The following ADAM22 variants were observed in gnomAD, a reference collection of about 807,000 sequenced individuals.
ADAM22 encodes ADAM metallopeptidase domain 22, also known as disintegrin and metalloproteinase domain-containing protein 22.
A neutral mutation model predicts 144.6 loss-of-function variants in ADAM22; 65 were observed. That is an observed-to-expected ratio of 0.45 (90% CI 0.37 to 0.55). The LOEUF (loss-of-function observed/expected upper bound fraction) is 0.55, where lower values mean the gene tolerates loss of function less well. Ranked by LOEUF, ADAM22 falls within the 20% of genes least tolerant of loss-of-function variation. The pLI is 0.00. For missense variants in ADAM22, 974 were observed against 1,184.9 expected (o/e 0.82, Z 2.61); for synonymous variants, 391 against 412.6 (o/e 0.95, Z 0.63).
Position 88,168,198 on chromosome 7 carries a change from CATATT to C in ADAM22, c.2255_2259del (p.Ile752ArgfsTer8), listed in dbSNP as rs760686398. 58 of 1,613,226 alleles carry C rather than the reference CATATT, an allele frequency of 3.6e-5. No homozygotes were observed. Among genetic ancestry groups the C allele is most frequent in the Non-Finnish European group, 4.7e-5 (56 of 1,179,518 alleles). On this transcript the variant is annotated frameshift_variant, in exon 25 of 32. Coordinates refer to ENST00000413139, the MANE Select transcript of ADAM22 (RefSeq NM_001324418.2). LOFTEE classifies it high-confidence loss of function. ...CTGGCACCATTTTAGTGCTGGCCCT[CATATT>C]AGGAATAACTGCGTGGGGTTATAAG...
intron 2 of ADAM22, among the ~76,000 whole-genome samples, chr7:87,974,697 C>T (rs77600908): frequency 2.9e-3 from 441 of 152,300 alleles, no homozygotes; most frequent in African/African-American, 0.01. Context: ...GCAGAAACTT[C>T]GTTGCCTGAA....
chr7:88,144,258 T>C (rs543852541), intron 15 of ADAM22, among the ~76,000 whole-genome samples: 6 of 152,324 alleles, frequency 3.9e-5, no homozygotes, highest in African/African-American at 1.4e-4. Context: ...CATTCTATAA[T>C]ACGTAAACTT....
intron 31 of ADAM22, among the ~76,000 whole-genome samples, chr7:88,195,901 A>C (rs752349819): frequency 6.6e-6 from 1 of 152,144 alleles, no homozygotes; most frequent in Non-Finnish European, 1.5e-5. Flanking sequence ...AATTGATGGA[A>C]TCACACTTCC....
intron 3 of ADAM22, among the ~76,000 whole-genome samples, chr7:88,011,456 C>T (rs992550016): frequency 1.3e-5 from 2 of 151,082 alleles, no homozygotes; most frequent in Non-Finnish European, 2.9e-5. Flanking sequence ...AGGAGAATGG[C>T]GTGAACCCGG....
intron 9 of ADAM22, 52 bp from the exon 10 acceptor site, chr7:88,130,336 A>T: frequency 7.1e-7 from 1 of 1,416,204 alleles, no homozygotes; most frequent in South Asian, 1.2e-5. Context: ...TGATGAGATG[A>T]TTGTTTTCTG....
At position 88,148,275 on chromosome 7, in the gene ADAM22, G is replaced by A. The variant is rs368732734; in HGVS notation, c.1486-702G>A. Among the ~76,000 whole-genome samples the A allele has an allele frequency of 6.6e-5, 10 of 152,210 alleles. No homozygotes were observed. In the South Asian group the frequency reaches 8.3e-4, roughly 13 times the overall value. ...AGAGAAAAAGAGAAGGATTGAGAAG[G>A]GAAGGGGAAGTACTTTAACTATATA... On this transcript the variant is annotated intron_variant, in intron 17 of 31. Transcript: ENST00000413139.
rs1382722365 is a variant in ADAM22 at position 88,030,338 on chromosome 7, G to A, written c.324-45288G>A. ...CTGCTTGATTTTTAAAATTATTTCA[G>A]TGTCTTTGTTAAATGTATCTGATAG... On this transcript the variant is annotated intron_variant, in intron 3 of 31. Transcript: ENST00000413139. 3.3e-5 allele frequency among the ~76,000 whole-genome samples: 5 copies of A among 151,894 alleles called. No homozygotes were observed. In the East Asian group the frequency reaches 9.7e-4, roughly 29 times the overall value.
chr7:88,036,523 C>T (rs529972161), intron 3 of ADAM22, among the ~76,000 whole-genome samples: 158 of 152,164 alleles, frequency 1.0e-3, no homozygotes, highest in African/African-American at 3.6e-3. Flanking sequence ...ATTAATAATA[C>T]GTTAACAGTA....
chr7:88,186,786 A>T, intron 30 of ADAM22, 85 bp downstream of exon 30: 1 of 839,348 alleles, frequency 1.2e-6, no homozygotes, highest in Non-Finnish European at 2.0e-6. Context: ...TCTATCTTGT[A>T]TCTCCCAATA....
intron 2 of ADAM22, among the ~76,000 whole-genome samples, chr7:87,967,097 T>C (rs1160502223): frequency 1.3e-5 from 2 of 152,128 alleles, no homozygotes; most frequent in African/African-American, 4.8e-5. Context: ...AAGAAGGATG[T>C]GTTTGCTTCC....
intron 3 of ADAM22, among the ~76,000 whole-genome samples, chr7:87,994,983 G>A (rs879408061): frequency 7.9e-5 from 12 of 152,070 alleles, no homozygotes; most frequent in African/African-American, 1.4e-4. Flanking sequence ...GCCTGCCACC[G>A]CGCCTGGCTA....
At position 88,113,695 on chromosome 7, in the gene ADAM22, AATAAATAAATATATAT is replaced by A. The variant is rs1337754487; in HGVS notation, c.474-885_474-870del. On this transcript the variant is annotated intron_variant, in intron 5 of 31. Coordinates refer to ENST00000413139, the MANE Select transcript of ADAM22 (RefSeq NM_001324418.2). ...ATATATAATATATATATTATAAATA[AATAAATAAATATATAT>A]ATATATATATATATATATATATATA... Among the ~76,000 whole-genome samples the A allele has an allele frequency of 3.6e-3, 187 of 52,266 alleles. 7 individuals are homozygous for A. Among genetic ancestry groups the A allele is most frequent in the African/African-American group, 0.016 (181 of 11,184 alleles). The allele number at this position is 52,266 out of a possible 152,430, so 34.3% of individuals were successfully genotyped here. A position where few individuals can be genotyped will look rare whatever the true frequency, so the allele number is the denominator to read the frequency against.
chr7:87,966,543 G>C (rs1405827457), intron 2 of ADAM22, among the ~76,000 whole-genome samples: 2 of 152,020 alleles, frequency 1.3e-5, no homozygotes, highest in African/African-American at 4.8e-5. Context: ...ATAGGAGCTG[G>C]TGCCAGTGTC....
At chr7:88,083,716 T>C (rs931543968) in intron 4 of ADAM22, among the ~76,000 whole-genome samples, 1 of 151,570 alleles carries the variant, frequency 6.6e-6, no homozygotes, top group Non-Finnish European at 1.5e-5. Flanking sequence ...CATTTCTAAT[T>C]CATAATGACT....
intron 3 of ADAM22, among the ~76,000 whole-genome samples, chr7:88,005,736 T>C (rs1220938933): frequency 6.6e-6 from 1 of 152,158 alleles, no homozygotes; most frequent in Non-Finnish European, 1.5e-5. Context: ...GGTCCAGGGT[T>C]GAATCCAGGT....
At chr7:87,971,596 G>A (rs1238907804) in intron 2 of ADAM22, among the ~76,000 whole-genome samples, 4 of 152,202 alleles carry the variant, frequency 2.6e-5, no homozygotes, top group South Asian at 2.1e-4. Flanking sequence ...GCAAAATTAC[G>A]TTTTTCCAGT....
rs148818265 is a variant in ADAM22, at chr7:87,958,700, A to G, written c.247-19636A>G. On this transcript the variant is annotated intron_variant, in intron 2 of 31. Transcript: ENST00000413139. The stretch of plus-strand genomic sequence containing the variant: ...TGCCCGGCCGACTTTAAAGTTTTTA[A>G]CAATATTGTGGGTATGAGATGGTAT... Among the ~76,000 whole-genome samples the G allele has an allele frequency of 9.2e-4, 140 of 152,170 alleles. No individual in the cohort carries two copies. The Middle Eastern group carries it at 0.01, about 11-fold the overall frequency.
intron 31 of ADAM22, among the ~76,000 whole-genome samples, chr7:88,193,965 A>G (rs1261446839): frequency 1.3e-5 from 2 of 152,220 alleles, no homozygotes; most frequent in Non-Finnish European, 2.9e-5. Flanking sequence ...AGTCTTTAAA[A>G]ACTACCAGCA....
At chr7:87,980,375 A>C (rs1052412123) in intron 3 of ADAM22, among the ~76,000 whole-genome samples, 11 of 149,254 alleles carry the variant, frequency 7.4e-5, no homozygotes, top group African/African-American at 2.8e-4. Context: ...GTGATACAAA[A>C]ATGTTTATCT....
Sources: gnomAD v4.1 joint callset for allele counts (sites outside exome capture counted in the v4.1 genomes callset) on GRCh38, gnomAD v4.1.1 for gene constraint, MANE v1.5 for transcripts, NCBI Gene and HGNC (gene_info 2026-07-23, HGNC 2026-07-21) for gene names.